Variants in SGCZ observed in about 807,000 individuals in gnomAD.
SGCZ encodes the protein sarcoglycan zeta.
In SGCZ, 40 loss-of-function variants were observed where a neutral mutation model predicts 41.3. The ratio of observed to expected loss-of-function variants is 0.97; its 90% CI spans 0.75 to 1.26. SGCZ has a LOEUF of 1.26. Ranked by LOEUF, SGCZ falls within the 50% of genes most tolerant of loss-of-function variation. The probability of loss-of-function intolerance (pLI) is 0.00; values close to 1 mark genes in which losing one functional copy is unlikely to be tolerated. For missense variants in SGCZ, 552 were observed against 369.8 expected (o/e 1.49, Z -4.04); for synonymous variants, 206 against 137.5 (o/e 1.50, Z -3.49).
intron 1 of SGCZ, among the ~76,000 whole-genome samples, chr8:14,601,211 T>C (rs1357668959): frequency 6.6e-6 from 1 of 152,060 alleles, no homozygotes; most frequent in African/African-American, 2.4e-5. Context: ...CTAATTCTAT[T>C]GGTGATTAAA....
chr8:14,670,417 C>A (rs138084409), intron 1 of SGCZ, among the ~76,000 whole-genome samples: 2 of 152,184 alleles, frequency 1.3e-5, no homozygotes, highest in African/African-American at 4.8e-5. Flanking sequence ...ATTAGTCTCC[C>A]AAATTGGTAT....
intron 3 of SGCZ, among the ~76,000 whole-genome samples, chr8:14,257,961 A>T (rs1479581540): frequency 6.6e-6 from 1 of 152,212 alleles, no homozygotes; most frequent in Non-Finnish European, 1.5e-5. Context: ...CAATAAATGA[A>T]CAATTTGCTG....
At chr8:15,170,682 A>T (rs1193241984) in intron 1 of SGCZ, among the ~76,000 whole-genome samples, 1 of 152,198 alleles carries the variant, frequency 6.6e-6, no homozygotes, top group East Asian at 1.9e-4. Flanking sequence ...CAAATAGAAA[A>T]GTGTTTTATG....
intron 1 of SGCZ, among the ~76,000 whole-genome samples, chr8:14,576,894 G>A (rs1167324263): frequency 1.3e-5 from 2 of 152,164 alleles, no homozygotes; most frequent in East Asian, 1.9e-4. Flanking sequence ...ATGAAGGATG[G>A]AAAGTGATGA....
intron 1 of SGCZ, among the ~76,000 whole-genome samples, chr8:14,993,309 T>G (rs1802089975): frequency 6.6e-6 from 1 of 152,130 alleles, no homozygotes; most frequent in Admixed American, 6.6e-5. Context: ...TGCTCATATA[T>G]TCAACAAATA....
At chr8:14,690,093 G>C (rs1383776327) in intron 1 of SGCZ, among the ~76,000 whole-genome samples, 1 of 149,682 alleles carries the variant, frequency 6.7e-6, no homozygotes, top group Non-Finnish European at 1.5e-5. Context: ...ATATTTCTAA[G>C]TAAATTGTGA....
chr8:14,460,240 T>C (rs1800863629), intron 2 of SGCZ, among the ~76,000 whole-genome samples: 2 of 152,164 alleles, frequency 1.3e-5, no homozygotes, highest in African/African-American at 4.8e-5. Context: ...TTACTACACA[T>C]TTTGACAATT....
rs1802596160 is a variant in SGCZ at position 14,515,562 on chromosome 8, G to A, written c.234+39170C>T. Reference sequence around the variant, plus strand: ...TATTTGAATAGATGTAATTTGTCTTGTTAATACTTTTTAGTTTATTTATAA... The same window carrying A: ...TATTTGAATAGATGTAATTTGTCTTATTAATACTTTTTAGTTTATTTATAA... On this transcript the variant is annotated intron_variant, in intron 2 of 7. Coordinates refer to ENST00000382080, the MANE Select transcript of SGCZ (RefSeq NM_139167.4). Among the ~76,000 whole-genome samples the A allele has an allele frequency of 2.0e-5, 3 of 149,826 alleles. No individual in the cohort carries two copies. In the South Asian group the frequency reaches 6.3e-4, roughly 32 times the overall value.
chr8:14,266,407 T>C (rs1799867904), intron 3 of SGCZ, among the ~76,000 whole-genome samples: 1 of 152,042 alleles, frequency 6.6e-6, no homozygotes, highest in South Asian at 2.1e-4. Context: ...ACTCACCTAA[T>C]ATGAACAGGC....
chr8:15,095,880 T>C (rs1806328675), intron 1 of SGCZ, among the ~76,000 whole-genome samples: 1 of 152,164 alleles, frequency 6.6e-6, no homozygotes, highest in South Asian at 2.1e-4. Context: ...CACTCCTTCC[T>C]AAATCAGGCT....
At position 14,662,591 on chromosome 8, in the gene SGCZ, G is replaced by T. The variant is rs79117296; in HGVS notation, c.40-107665C>A. Among the ~76,000 whole-genome samples the T allele has an allele frequency of 2.6e-3, 403 of 152,174 alleles. 7 individuals carry two copies. Among genetic ancestry groups the T allele is most frequent in the East Asian group, 0.023 (118 of 5,180 alleles). On this transcript the variant is annotated intron_variant, in intron 1 of 7. Transcript: ENST00000382080. ...TTCACTAGGTTGTTTAACCTGACTG[G>T]GTCCCTGTGTTAGGCTAAATAATGG...
At chr8:15,188,972 C>T (rs1388575467) in intron 1 of SGCZ, among the ~76,000 whole-genome samples, 1 of 151,720 alleles carries the variant, frequency 6.6e-6, no homozygotes, top group African/African-American at 2.4e-5. Context: ...ATCCTCCATT[C>T]ACTCATTCAT....
At chr8:14,442,163 A>C (rs80048128) in intron 2 of SGCZ, among the ~76,000 whole-genome samples, 6,308 of 152,258 alleles carry the variant, frequency 0.041, 201 homozygotes, top group African/African-American at 0.084. Flanking sequence ...TGGCTGTGTC[A>C]CTACCCAAAT....
intron 2 of SGCZ, among the ~76,000 whole-genome samples, chr8:14,426,769 A>G (rs888020402): frequency 2.6e-5 from 4 of 152,150 alleles, no homozygotes; most frequent in South Asian, 2.1e-4. Context: ...GCTGAGAAAA[A>G]GGTACAGGTG....
At chr8:14,247,805 T>C (rs542127766) in intron 3 of SGCZ, among the ~76,000 whole-genome samples, 2 of 152,296 alleles carry the variant, frequency 1.3e-5, no homozygotes, top group Admixed American at 1.3e-4. Flanking sequence ...GTCCAGTCAG[T>C]ATGTTCACTA....
intron 1 of SGCZ, among the ~76,000 whole-genome samples, chr8:14,597,392 A>G (rs891426493): frequency 1.3e-5 from 2 of 152,320 alleles, no homozygotes; most frequent in African/African-American, 4.8e-5. Flanking sequence ...AACATAAGAT[A>G]ATTTATAAAT....
intron 1 of SGCZ, among the ~76,000 whole-genome samples, chr8:14,767,880 G>A (rs778019593): frequency 5.3e-5 from 8 of 152,136 alleles, no homozygotes; most frequent in African/African-American, 1.7e-4. Context: ...ATAGGGCCAT[G>A]TATTACATAG....
intron 1 of SGCZ, among the ~76,000 whole-genome samples, chr8:14,727,886 T>C (rs1395396040): frequency 6.6e-6 from 1 of 152,134 alleles, no homozygotes; most frequent in Non-Finnish European, 1.5e-5. Flanking sequence ...GTTATTTGTG[T>C]TATACACATA....
intron 2 of SGCZ, among the ~76,000 whole-genome samples, chr8:14,443,396 C>T (rs1463791963): frequency 1.3e-5 from 2 of 152,124 alleles, no homozygotes; most frequent in Admixed American, 6.5e-5. Context: ...CATCACACTA[C>T]CTGACTTCAA....
Sources: gnomAD v4.1 joint callset for allele counts (sites outside exome capture counted in the v4.1 genomes callset) on GRCh38, gnomAD v4.1.1 for gene constraint, MANE v1.5 for transcripts, NCBI Gene and HGNC (gene_info 2026-07-23, HGNC 2026-07-21) for gene names.